Variants in PRKDC observed in about 807,000 individuals in gnomAD.
The protein encoded by PRKDC is protein kinase, DNA-activated, catalytic subunit, also known as DNA-dependent protein kinase catalytic subunit.
Under a neutral mutation model 486.9 loss-of-function variants are expected in PRKDC, and 82 were observed. The observed-to-expected ratio is 0.17, with a 90% CI of 0.14 to 0.20. PRKDC has a LOEUF of 0.20. Ranked by LOEUF, PRKDC falls within the 10% of genes least tolerant of loss-of-function variation. The pLI, the probability that PRKDC is intolerant of heterozygous loss-of-function variation, is 1.00. For missense variants in PRKDC, 4,504 were observed against 5,038.2 expected, an observed-to-expected ratio of 0.89 and a Z score of 3.21; for synonymous variants, 1,895 against 1,837.0, an observed-to-expected ratio of 1.03 and a Z score of -0.81.
At position 47,781,518 on chromosome 8, in the gene PRKDC, T is replaced by C. The variant is rs2086698781; in HGVS notation, c.11489+644A>G. Among the ~76,000 whole-genome samples the C allele has an allele frequency of 2.0e-5, 3 of 152,346 alleles. No individual in the cohort carries two copies. The South Asian group carries it at 6.2e-4, about 32-fold the overall frequency. On this transcript the variant is annotated intron_variant, in intron 80 of 85. Transcript: ENST00000314191. ...AGCTTGTCACCCAAACCTGTCAACT[T>C]TGGTTGTCAAAATCTGTCAACCCTC...
Position 47,954,442 on chromosome 8 carries a change from A to T in PRKDC, c.404T>A (p.Leu135His). ...IPALDLLIKL[L>H]QTFRSSRLMD... ...GAGTCTAGAACTTCTAAAAGTCTGA[A>T]GTAACTAAAAGAATACAAATTAGTA... The change falls in exon 5 of 86, where the codon CTT becomes CAT. Residue 135 changes from leucine (L) to histidine (H), a missense_variant. By Grantham distance (99) the Leu-to-His change is moderately conservative (BLOSUM62 -3). Transcript: ENST00000314191. The T allele has an allele frequency of 8.0e-7, 1 of 1,256,502 alleles. No homozygotes were observed. The highest frequency in any genetic ancestry group is 2.6e-5 in the East Asian group (1 of 37,916). The allele number at this position is 1,256,502 out of a possible 1,614,324, so 77.8% of individuals were successfully genotyped here.
intron 5 of PRKDC, 94 bp from the exon 6 acceptor site, chr8:47,954,013 G>C (rs749686200): frequency 3.2e-4 from 226 of 705,632 alleles, no homozygotes; most frequent in Non-Finnish European, 3.6e-4. Context: ...ATAAAATAAA[G>C]TTCAAAATTG....
chr8:47,907,264 T>A (rs1028354444), intron 25 of PRKDC, among the ~76,000 whole-genome samples: 35 of 149,502 alleles, frequency 2.3e-4, no homozygotes, highest in African/African-American at 8.5e-4. Context: ...ATGGTCTTGA[T>A]CTCCTGACCT....
intron 73 of PRKDC, among the ~76,000 whole-genome samples, chr8:47,795,205 T>C (rs79443532): frequency 4.0e-5 from 6 of 149,080 alleles, no homozygotes; most frequent in African/African-American, 1.2e-4. Flanking sequence ...TTTTTTTTTT[T>C]TCTTGAGACA....
intron 7 of PRKDC, among the ~76,000 whole-genome samples, chr8:47,951,291 T>C (rs1447385451): frequency 1.3e-5 from 2 of 150,682 alleles, no homozygotes; most frequent in African/African-American, 4.9e-5. Flanking sequence ...GCCCAGGAGG[T>C]GGAGGCAGGC....
chr8:47,905,089 A>G, intron 25 of PRKDC, 113 bp from the exon 26 acceptor site: 1 of 719,222 alleles, frequency 1.4e-6, no homozygotes, highest in Non-Finnish European at 2.3e-6. Context: ...TACTACTACC[A>G]TGGTTGTATT....
At chr8:47,860,361 G>A (rs188381208) in intron 45 of PRKDC, among the ~76,000 whole-genome samples, 7 of 152,278 alleles carry the variant, frequency 4.6e-5, no homozygotes, top group East Asian at 3.9e-4. Flanking sequence ...AAGTGCACAC[G>A]ACCTAGGGCA....
At chr8:47,863,321 A>T in intron 42 of PRKDC, 78 bp downstream of exon 42, 1 of 1,205,646 alleles carries the variant, frequency 8.3e-7, no homozygotes, top group Non-Finnish European at 1.2e-6. Context: ...ATTTATTCAC[A>T]CTATATACAT....
chr8:47,932,274 G>A (rs893045232), intron 16 of PRKDC, among the ~76,000 whole-genome samples: 7 of 152,126 alleles, frequency 4.6e-5, no homozygotes, highest in Non-Finnish European at 5.9e-5. Flanking sequence ...TAGTAGAGAC[G>A]AGGTTTCACC....
At chr8:47,902,091 C>T (rs755350233) in intron 27 of PRKDC, among the ~76,000 whole-genome samples, 31 of 152,174 alleles carry the variant, frequency 2.0e-4, no homozygotes, top group East Asian at 1.9e-4. Context: ...GAGCCCTCCT[C>T]GCCAGCCTCA....
chr8:47,914,058 G>T lies in PRKDC; in HGVS notation c.2624C>A (p.Ser875Tyr). The T allele has an allele frequency of 1.3e-6, 2 of 1,491,962 alleles. No homozygotes were observed. The highest frequency in any genetic ancestry group is 1.8e-6 in the Non-Finnish European group (2 of 1,118,172). 92.4% of individuals were successfully genotyped at this position (1,491,962 alleles called of 1,614,324 possible). A position where few individuals can be genotyped will look rare whatever the true frequency, so the allele number is the denominator to read the frequency against. Reference sequence around the variant, plus strand: ...ATAGCTCTTCATCATCTCATCTGAGGACGTGACTGTTAGAAAAGATTTAAG... The same window carrying T: ...ATAGCTCTTCATCATCTCATCTGAGTACGTGACTGTTAGAAAAGATTTAAG... ...QINKNLLTVT[S>Y]SDEMMKSYVA... Residue 875 changes from serine to tyrosine, a missense_variant, in exon 24 of 86, where the codon TCC (serine) becomes TAC (tyrosine). Physicochemically the swap from Ser to Tyr is moderately radical, Grantham distance 144. Coordinates refer to ENST00000314191, the MANE Select transcript of PRKDC (RefSeq NM_006904.7).
chr8:47,811,539 AACC>A (rs1320865168), intron 68 of PRKDC, among the ~76,000 whole-genome samples: 1 of 152,246 alleles, frequency 6.6e-6, no homozygotes, highest in Non-Finnish European at 1.5e-5. Flanking sequence ...ATGTGAGGAA[AACC>A]ACATATGTTC....
chr8:47,862,329 G>C, intron 43 of PRKDC, 44 bp downstream of exon 43: 1 of 1,550,968 alleles, frequency 6.4e-7, no homozygotes, highest in Non-Finnish European at 8.8e-7. Context: ...TCTAACTTTT[G>C]AACTCCTACA....
intron 68 of PRKDC, among the ~76,000 whole-genome samples, chr8:47,808,536 G>C (rs1041206000): frequency 6.6e-6 from 1 of 151,958 alleles, no homozygotes; most frequent in Non-Finnish European, 1.5e-5. Flanking sequence ...ATTCACAGAT[G>C]TAATCATAGC....
intron 64 of PRKDC, among the ~76,000 whole-genome samples, chr8:47,822,081 G>T (rs1292794925): frequency 6.6e-6 from 1 of 152,160 alleles, no homozygotes; most frequent in Admixed American, 6.5e-5. Context: ...CCAGGAGTTT[G>T]AGACTAGCCT....
At chr8:47,802,199 C>T (rs1444509969) in intron 70 of PRKDC, among the ~76,000 whole-genome samples, 1 of 152,160 alleles carries the variant, frequency 6.6e-6, no homozygotes, top group Non-Finnish European at 1.5e-5. Context: ...GCCTCAGACT[C>T]CCCAGTAGCT....
chr8:47,904,694 G>A (rs547868730), intron 26 of PRKDC, among the ~76,000 whole-genome samples, 175 bp downstream of exon 26: 15 of 152,348 alleles, frequency 9.8e-5, no homozygotes, highest in African/African-American at 2.9e-4. Context: ...TCAGGAGGCT[G>A]AGACAGGAGA....
intron 54 of PRKDC, among the ~76,000 whole-genome samples, chr8:47,840,749 C>T (rs529135053): frequency 2.0e-5 from 3 of 152,140 alleles, no homozygotes; most frequent in Admixed American, 2.0e-4. Context: ...TTATAGCACC[C>T]AGCTGAATGC....
At chr8:47,792,931 C>T (rs994439916) in intron 74 of PRKDC, among the ~76,000 whole-genome samples, 3 of 152,208 alleles carry the variant, frequency 2.0e-5, no homozygotes, top group Non-Finnish European at 2.9e-5. Context: ...ACTGCAGTGG[C>T]AACTCACAAG....
Sources: allele counts gnomAD v4.1 joint callset (sites outside exome capture counted in the v4.1 genomes callset), GRCh38; gene constraint gnomAD v4.1.1; transcripts MANE v1.5; gene names NCBI Gene and HGNC (gene_info 2026-07-23, HGNC 2026-07-21).